The following PPP2R5C variants were observed in gnomAD, a reference collection of about 807,000 sequenced individuals.
The protein encoded by PPP2R5C is serine/threonine-protein phosphatase 2A 56 kDa regulatory subunit gamma isoform.
In PPP2R5C, 7 loss-of-function variants were observed where a neutral mutation model predicts 68.9. The ratio of observed to expected loss-of-function variants is 0.10; its 90% CI spans 0.06 to 0.19. The LOEUF (loss-of-function observed/expected upper bound fraction) is 0.19, where lower values mean the gene tolerates loss of function less well. PPP2R5C is among the 10% of genes least tolerant of loss of function. The pLI, the probability that PPP2R5C is intolerant of heterozygous loss-of-function variation, is 1.00. For synonymous variants in PPP2R5C, 210 were observed against 222.2 expected (o/e 0.95, Z 0.49); for missense variants, 348 against 641.3 (o/e 0.54, Z 4.94).
rs2040360947 is a variant in PPP2R5C, at chr14:101,825,727, A to G, written c.94+15691A>G. ...TAGCCTGTTCAGTTTTTGTAGGTGA[A>G]TGGTAAAGCTGTCAAAACCAGATCT... On this transcript the variant is annotated intron_variant, in intron 1 of 13. Coordinates refer to ENST00000334743, the Ensembl canonical transcript of PPP2R5C. The surrounding 1 kb of genome is among the most constrained non-coding windows in gnomAD (Gnocchi z 4.0). 6.6e-6 allele frequency among the ~76,000 whole-genome samples: 1 copy of G among 152,194 alleles called. No homozygotes were observed. The highest frequency in any genetic ancestry group is 1.5e-5 in the Non-Finnish European group (1 of 68,024).
At chr14:101,822,360 A>G (rs967951758) in intron 1 of PPP2R5C, among the ~76,000 whole-genome samples, 1 of 152,216 alleles carries the variant, frequency 6.6e-6, no homozygotes, top group Non-Finnish European at 1.5e-5. Context: ...TTCTCCTTTT[A>G]TATTATTCTT....
intron 1 of PPP2R5C, among the ~76,000 whole-genome samples, chr14:101,848,763 G>A (rs1337653371): frequency 6.6e-6 from 1 of 152,146 alleles, no homozygotes; most frequent in Non-Finnish European, 1.5e-5. Context: ...GAGGCCAGAG[G>A]GTGGGTGTGT....
intron 1 of PPP2R5C, among the ~76,000 whole-genome samples, chr14:101,826,711 T>G (rs910176647): frequency 1.3e-5 from 2 of 152,192 alleles, no homozygotes; most frequent in Non-Finnish European, 2.9e-5. Context: ...GTTCCTTGTC[T>G]CTTTCTTCTA....
Position 101,891,446 on chromosome 14 carries a change from T to C in PPP2R5C, c.689+1150T>C, listed in dbSNP as rs2044906677. On this transcript the variant is annotated intron_variant, in intron 6 of 13. Coordinates refer to ENST00000334743, the Ensembl canonical transcript of PPP2R5C. The surrounding 1 kb of genome is among the most constrained non-coding windows in gnomAD (Gnocchi z 4.9). ...GGGTTTCTCCCTCAGTGCAGTGCAG[T>C]GAGTGGTGAAGAGGATGCCTCTCTT... 6.9e-6 allele frequency among the ~76,000 whole-genome samples: 1 copy of C among 145,464 alleles called. No individual in the cohort carries two copies. The highest frequency in any genetic ancestry group is 2.8e-5 in the African/African-American group (1 of 36,316).
intron 8 of PPP2R5C, among the ~76,000 whole-genome samples, chr14:101,894,877 A>G (rs1360921940): frequency 2.0e-5 from 3 of 152,210 alleles, no homozygotes; most frequent in African/African-American, 7.2e-5. Flanking sequence ...CAGTAGTTTC[A>G]CATCTGCTTG....
At chr14:101,924,966 A>AT (rs1451385679) in intron 13 of PPP2R5C, among the ~76,000 whole-genome samples, 175 bp from the exon 16 acceptor site, 1 of 152,170 alleles carries the variant, frequency 6.6e-6, no homozygotes, top group Non-Finnish European at 1.5e-5. Flanking sequence ...GTAGCAAGAC[A>AT]TTTTTGGCAA....
At chr14:101,796,304 C>T (rs982480814) in intron 3 of PPP2R5C, among the ~76,000 whole-genome samples, 7 of 152,160 alleles carry the variant, frequency 4.6e-5, no homozygotes, top group African/African-American at 1.7e-4. Context: ...TAGAAAGAGC[C>T]GCGCAGGGAA....
At chr14:101,776,945 A>ACAC (rs2037454690) in intron 2 of PPP2R5C, among the ~76,000 whole-genome samples, 1 of 139,342 alleles carries the variant, frequency 7.2e-6, no homozygotes, top group African/African-American at 2.8e-5. Context: ...CAATGGCGTG[A>ACAC]TCTCGGCTCA....
At chr14:101,828,676 C>CTT (rs547728275) in intron 1 of PPP2R5C, among the ~76,000 whole-genome samples, 34 of 131,048 alleles carry the variant, frequency 2.6e-4, no homozygotes, top group South Asian at 7.4e-4. Flanking sequence ...CACAGATACT[C>CTT]TTTTTTTTTT....
Position 101,853,175 on chromosome 14 carries a change from A to G in PPP2R5C, c.95-3511A>G, listed in dbSNP as rs564498350. 8.4e-4 allele frequency among the ~76,000 whole-genome samples: 128 copies of G among 152,302 alleles called. 1 individual carries two copies. The highest frequency in any genetic ancestry group is 2.9e-3 in the African/African-American group (119 of 41,572). The stretch of plus-strand genomic sequence containing the variant: ...AACTTGTATTCAAAAAAAAATGGAA[A>G]TATTTGATAGGGCCCAAGGATGCAG... On this transcript the variant is annotated intron_variant, in intron 1 of 13. Coordinates refer to ENST00000334743, the Ensembl canonical transcript of PPP2R5C.
At position 101,785,418 on chromosome 14, in the gene PPP2R5C, A is replaced by G. The variant is rs113409279; in HGVS notation, c.94-600A>G. 9.1e-3 allele frequency among the ~76,000 whole-genome samples: 1,391 copies of G among 152,196 alleles called. 16 individuals are homozygous for G. The highest frequency in any genetic ancestry group is 0.03 in the African/African-American group (1,232 of 41,514). On this transcript the variant is annotated intron_variant, in intron 2 of 14. Transcript: ENST00000328724. ...CTCTGGAGGTTCTAGAGGAGAATCTATTTCCAGCCTTTCCCACCTTCTAGA... is the reference window on the plus strand; with the variant it reads ...CTCTGGAGGTTCTAGAGGAGAATCTGTTTCCAGCCTTTCCCACCTTCTAGA...
chr14:101,847,819 C>T (rs1212988526), intron 1 of PPP2R5C, among the ~76,000 whole-genome samples: 2 of 152,074 alleles, frequency 1.3e-5, no homozygotes, highest in Non-Finnish European at 2.9e-5. Flanking sequence ...CATGCCACCA[C>T]ACCCAGCTAA....
At chr14:101,767,032 G>A (rs1482296623) in intron 2 of PPP2R5C, 1 of 152,166 alleles carries the variant, frequency 6.6e-6, no homozygotes, top group East Asian at 1.9e-4. Context: ...GGTCGTTTGA[G>A]TATTGTCATG....
At chr14:101,790,897 G>A (rs367934094) in intron 3 of PPP2R5C, among the ~76,000 whole-genome samples, 13 of 152,152 alleles carry the variant, frequency 8.5e-5, no homozygotes, top group South Asian at 2.1e-4. Flanking sequence ...TGGCTAACAC[G>A]GTGAAACTCC....
intron 1 of PPP2R5C, among the ~76,000 whole-genome samples, chr14:101,848,720 G>A (rs61995287): frequency 0.031 from 4,691 of 152,276 alleles, 93 homozygotes; most frequent in Non-Finnish European, 0.046. Flanking sequence ...GGGACACCCC[G>A]ATTGGCAACA....
chr14:101,894,046 T>C (rs1470756594), intron 7 of PPP2R5C, among the ~76,000 whole-genome samples: 1 of 152,242 alleles, frequency 6.6e-6, no homozygotes, highest in African/African-American at 2.4e-5. Context: ...GTATATTCTT[T>C]AATTGATTCT....
chr14:101,878,230 AT>A (rs2043917826), intron 2 of PPP2R5C, among the ~76,000 whole-genome samples: 1 of 152,218 alleles, frequency 6.6e-6, no homozygotes, highest in South Asian at 2.1e-4. Flanking sequence ...CTGAGGACCC[AT>A]CTCCAAATCC....
chr14:101,871,572 T>C (rs919523662), intron 2 of PPP2R5C, among the ~76,000 whole-genome samples: 1 of 152,156 alleles, frequency 6.6e-6, no homozygotes, highest in Admixed American at 6.5e-5. Context: ...AGTCAGACAA[T>C]CCCTGTCTTT....
intron 13 of PPP2R5C, chr14:101,921,301 T>A (rs541310328): frequency 6.4e-6 from 1 of 157,088 alleles, no homozygotes; most frequent in African/African-American, 2.4e-5. Context: ...TGGTCTCAAG[T>A]GATCTGCCTG....
Sources: allele counts gnomAD v4.1 joint callset (sites outside exome capture counted in the v4.1 genomes callset), GRCh38; gene constraint gnomAD v4.1.1; non-coding constraint Gnocchi (gnomAD v3.1); transcripts MANE v1.5; gene names NCBI Gene and HGNC (gene_info 2026-07-23, HGNC 2026-07-21).